Variants in STEAP2 observed in about 807,000 individuals in gnomAD.
STEAP2 encodes STEAP2 metalloreductase.
Under a neutral mutation model 46.4 loss-of-function variants are expected in STEAP2, and 30 were observed. The ratio of observed to expected loss-of-function variants is 0.65; its 90% CI spans 0.48 to 0.88. STEAP2 has a LOEUF of 0.88. Ranked by LOEUF, STEAP2 falls within the 40% of genes least tolerant of loss-of-function variation. The probability of loss-of-function intolerance (pLI) is 0.00; values close to 1 mark genes in which losing one functional copy is unlikely to be tolerated. For synonymous variants in STEAP2, 180 were observed against 200.5 expected, an observed-to-expected ratio of 0.90 and a Z score of 0.86; for missense variants, 513 against 579.3, an observed-to-expected ratio of 0.89 and a Z score of 1.18.
intron 1 of STEAP2, among the ~76,000 whole-genome samples, chr7:90,214,852 G>T (rs570187858): frequency 6.6e-6 from 1 of 152,200 alleles, no homozygotes; most frequent in Non-Finnish European, 1.5e-5. Context: ...AGTGACTGAG[G>T]TGGGGTAGAG....
At chr7:90,214,662 AT>A (rs1465703629) in intron 1 of STEAP2, among the ~76,000 whole-genome samples, 1 of 150,226 alleles carries the variant, frequency 6.7e-6, no homozygotes, top group African/African-American at 2.4e-5. Context: ...GTGACTACAA[AT>A]CTAGCCTCGG....
chr7:90,240,991 T>C (rs189214828), downstream of STEAP2, among the ~76,000 whole-genome samples: 152 of 152,290 alleles, frequency 1.0e-3, no homozygotes, highest in African/African-American at 3.5e-3. This position sits in a 1 kb window ranked among gnomAD's most constrained non-coding sequence, Gnocchi z 4.1. Flanking sequence ...ATACCAAATA[T>C]AAAGTTAAAG....
intron 2 of STEAP2, among the ~76,000 whole-genome samples, chr7:90,217,724 A>C (rs1054905387): frequency 3.1e-4 from 32 of 103,352 alleles, no homozygotes; most frequent in African/African-American, 1.2e-3. Flanking sequence ...AAAAAAAAAA[A>C]AACATGTGAG....
At chr7:90,228,513 T>C (rs1795597341) in intron 4 of STEAP2, among the ~76,000 whole-genome samples, 1 of 152,144 alleles carries the variant, frequency 6.6e-6, no homozygotes, top group African/African-American at 2.4e-5. Context: ...GCGAGTCCTA[T>C]GCTGGATACC....
intron 1 of STEAP2, 180 bp from the exon 2 acceptor site, chr7:90,216,311 G>A (rs1210391697): frequency 6.6e-6 from 1 of 152,140 alleles, no homozygotes; most frequent in Non-Finnish European, 1.5e-5. Context: ...GGAAACAGTG[G>A]TCTGCTCAGG....
intron 3 of STEAP2, among the ~76,000 whole-genome samples, chr7:90,226,165 C>T (rs906250694): frequency 1.3e-5 from 2 of 152,106 alleles, no homozygotes; most frequent in African/African-American, 4.8e-5. Context: ...AAATTAGAAC[C>T]AGGACCTGTG....
Position 90,235,135 on chromosome 7 carries a change from T to C in STEAP2, c.*2511T>C, listed in dbSNP as rs1223487716. ...ATTAAAGCATATATTGTTGCATGTA[T>C]ATATTAAGTAGCCGATACTCTAAAT... On this transcript the variant is annotated 3_prime_UTR_variant, in exon 6 of 6. Coordinates refer to ENST00000394621, the MANE Select transcript of STEAP2 (RefSeq NM_001244944.2). 1 of 946,672 alleles carries C rather than the reference T, an allele frequency of 1.1e-6. No homozygotes were observed. The highest frequency in any genetic ancestry group is 1.3e-6 in the Non-Finnish European group (1 of 794,658). The allele number at this position is 946,672 out of a possible 1,614,324, so 58.6% of individuals were successfully genotyped here. A position where few individuals can be genotyped will look rare whatever the true frequency, so the allele number is the denominator to read the frequency against.
intron 2 of STEAP2, among the ~76,000 whole-genome samples, chr7:90,217,157 G>T (rs146094357): frequency 3.0e-4 from 46 of 152,304 alleles, no homozygotes; most frequent in African/African-American, 1.1e-3. Context: ...ACATATCTAT[G>T]GGGTACACAT....
rs935032223 is a variant in STEAP2, at chr7:90,232,896, T to G, written c.*272T>G. 3.4e-5 allele frequency: 36 copies of G among 1,054,474 alleles called. No individual in the cohort carries two copies. The highest frequency in any genetic ancestry group is 4.1e-5 in the Non-Finnish European group (36 of 873,708). The allele number at this position is 1,054,474 out of a possible 1,614,324, so 65.3% of individuals were successfully genotyped here. ...TGTAACCCTGTTGTTACTTTATATT[T>G]CATAATCAGGCAAAAATACTTACAG... On this transcript the variant is annotated 3_prime_UTR_variant, in exon 6 of 6. Coordinates refer to ENST00000394621, the MANE Select transcript of STEAP2 (RefSeq NM_001244944.2).
chr7:90,229,955 T>G lies in STEAP2; in HGVS notation c.1104T>G (p.Leu368=). ...EMYISFGIMS[L]GLLSLLAVTS... Reference sequence around the variant, plus strand: ...ATATCTCCTTTGGCATAATGAGCCTTGGCTTACTTTCCCTCCTGGCAGTCA... The same window carrying G: ...ATATCTCCTTTGGCATAATGAGCCTGGGCTTACTTTCCCTCCTGGCAGTCA... Residue 368 remains leucine, a synonymous_variant, in exon 5 of 6, where the codon CTT becomes CTG. Coordinates refer to ENST00000394621, the MANE Select transcript of STEAP2 (RefSeq NM_001244944.2). 1 of 1,613,664 alleles carries G rather than the reference T, an allele frequency of 6.2e-7. No homozygotes were observed. The highest frequency in any genetic ancestry group is 8.5e-7 in the Non-Finnish European group (1 of 1,179,608).
Position 90,219,064 on chromosome 7 carries a change from C to G in STEAP2, c.-34+2461C>G, listed in dbSNP as rs74775937. ...TAGCTATTGTAAATGGGATTGCCTT[C>G]TTGGTGTCTTTTTCAGCAAGTTCAT... is the stretch of plus-strand genomic sequence containing the variant. On this transcript the variant is annotated intron_variant, in intron 2 of 5. Transcript: ENST00000394621. 4.5e-3 allele frequency among the ~76,000 whole-genome samples: 689 copies of G among 151,614 alleles called. 3 individuals are homozygous for G. Among genetic ancestry groups the G allele is most frequent in the African/African-American group, 0.015 (608 of 41,322 alleles).
the STEAP2 span, among the ~76,000 whole-genome samples, chr7:90,243,405 T>G: frequency 6.6e-6 from 1 of 152,178 alleles, no homozygotes; most frequent in African/African-American, 2.4e-5. Flanking sequence ...TTTTTAAATT[T>G]TCAGTTATGG....
downstream of STEAP2, among the ~76,000 whole-genome samples, chr7:90,243,016 T>TGGGGTTGGTGATC (rs1796081863): frequency 6.6e-6 from 1 of 152,224 alleles, no homozygotes; most frequent in Admixed American, 6.5e-5. Flanking sequence ...ATCTCACAGT[T>TGGGGTTGGTGATC]TCAGAGGGCT....
At chr7:90,241,317 CAG>C (rs541725244), downstream of STEAP2, among the ~76,000 whole-genome samples, 742 of 152,226 alleles carry the variant, frequency 4.9e-3, 5 homozygotes, top group African/African-American at 0.017. Flanking sequence ...CCATTCCTAA[CAG>C]AGTCCCTAGT....
downstream of STEAP2, among the ~76,000 whole-genome samples, chr7:90,239,868 G>A (rs940432382): frequency 1.3e-5 from 2 of 152,088 alleles, no homozygotes; most frequent in African/African-American, 4.8e-5. Flanking sequence ...TGTTCCACGT[G>A]CTTATTCTTC....
chr7:90,231,029 A>G (rs1375956672), intron 5 of STEAP2, among the ~76,000 whole-genome samples: 1 of 151,964 alleles, frequency 6.6e-6, no homozygotes, highest in Non-Finnish European at 1.5e-5. Flanking sequence ...TAGATGAGTA[A>G]TTGCAAATAT....
Position 90,234,215 on chromosome 7 carries a change from T to G in STEAP2, c.*1591T>G, listed in dbSNP as rs1419055634. 4.1e-6 allele frequency: 4 copies of G among 985,254 alleles called. No homozygotes were observed. The highest frequency in any genetic ancestry group is 4.8e-6 in the Non-Finnish European group (4 of 829,908). 61.0% of individuals were successfully genotyped at this position (985,254 alleles called of 1,614,324 possible). ...ATAATCATACAGATTATTCATAAAA[T>G]TTTTCAGTGCTGTCCTTCCACATTT... On this transcript the variant is annotated 3_prime_UTR_variant, in exon 6 of 6. Coordinates refer to ENST00000394621, the MANE Select transcript of STEAP2 (RefSeq NM_001244944.2).
downstream of STEAP2, among the ~76,000 whole-genome samples, chr7:90,238,535 C>A (rs549512173): frequency 3.0e-4 from 46 of 152,240 alleles, no homozygotes; most frequent in Admixed American, 1.6e-3. Context: ...ATTCATAAGA[C>A]CTTCATGAAA....
chr7:90,232,400 CGAGCTTTT>C lies in STEAP2; in HGVS notation c.1253_1260del (p.Ala418GlyfsTer26). 1 of 1,613,252 alleles carries C rather than the reference CGAGCTTTT, an allele frequency of 6.2e-7. No homozygotes were observed. Among genetic ancestry groups the C allele is most frequent in the South Asian group, 1.1e-5 (1 of 90,996 alleles). On this transcript the variant is annotated frameshift_variant, in exon 6 of 6. Transcript: ENST00000394621. The stretch of plus-strand genomic sequence containing the variant: ...CCATGTTTTAATTTATGGATGGAAA[CGAGCTTTT>C]GAGGAAGAGTACTACAGATTTTATA...
Sources: allele counts gnomAD v4.1 joint callset (sites outside exome capture counted in the v4.1 genomes callset), GRCh38; gene constraint gnomAD v4.1.1; non-coding constraint Gnocchi (gnomAD v3.1); transcripts MANE v1.5; gene names NCBI Gene and HGNC (gene_info 2026-07-23, HGNC 2026-07-21).